Variants in RERE observed in about 807,000 individuals in gnomAD.
RERE encodes the protein arginine-glutamic acid dipeptide repeats protein.
RERE carries 40 observed loss-of-function variants against 146.1 expected under a neutral mutation model. The ratio of observed to expected loss-of-function variants is 0.27; its 90% confidence interval spans 0.21 to 0.36. RERE has a LOEUF of 0.36. Ranked by LOEUF, RERE falls within the 10% of genes least tolerant of loss-of-function variation. The pLI, the probability that RERE is intolerant of heterozygous loss-of-function variation, is 1.00. For synonymous variants in RERE, 1,003 were observed against 866.0 expected, an observed-to-expected ratio of 1.16 and a Z score of -2.78; for missense variants, 1,933 against 2,138.7, an observed-to-expected ratio of 0.90 and a Z score of 1.90.
intron 19 of RERE, 74 bp from the exon 20 acceptor site, chr1:8,358,990 GGGCCTGGTCCTGCTCCT>G: frequency 6.8e-7 from 1 of 1,472,646 alleles, no homozygotes; most frequent in Non-Finnish European, 8.9e-7. Flanking sequence ...CTGCGGAGGT[GGGCCTGGTCCTGCTCCT>G]GGCCTGCTCT....
At chr1:8,744,513 A>G (rs1640380774) in intron 1 of RERE, among the ~76,000 whole-genome samples, 1 of 152,236 alleles carries the variant, frequency 6.6e-6, no homozygotes, top group Non-Finnish European at 1.5e-5. Flanking sequence ...ACAGCAATGT[A>G]ACTGATGGGT....
intron 2 of RERE, among the ~76,000 whole-genome samples, chr1:8,647,641 A>ATATGTGTGTGTGTG (rs371893375): frequency 0.011 from 1,577 of 148,612 alleles, 21 homozygotes; most frequent in East Asian, 0.043. Context: ...TAAAATATGT[A>ATATGTGTGTGTGTG]TGTGTGTGTG....
intron 11 of RERE, among the ~76,000 whole-genome samples, chr1:8,462,003 T>C (rs773465303): frequency 2.9e-4 from 44 of 152,186 alleles, no homozygotes; most frequent in Non-Finnish European, 5.4e-4. Flanking sequence ...TGGCACCATG[T>C]TCAGCTATTT....
chr1:8,377,303 T>C (rs1385110432), intron 12 of RERE, among the ~76,000 whole-genome samples: 1 of 143,918 alleles, frequency 6.9e-6, no homozygotes. Context: ...CTAAACCTCT[T>C]GGAGGTTTAT....
chr1:8,588,580 T>G (rs777401296), intron 4 of RERE, among the ~76,000 whole-genome samples: 1 of 152,098 alleles, frequency 6.6e-6, no homozygotes. Flanking sequence ...CATTACAGGA[T>G]AAAAAGATAA....
At chr1:8,385,968 TAAAAAAAAAAAAAA>T (rs34493389) in intron 12 of RERE, among the ~76,000 whole-genome samples, 3 of 9,480 alleles carry the variant, frequency 3.2e-4, no homozygotes, top group Admixed American at 2.7e-3. Context: ...GACTCCGTCT[TAAAAAAAAAAAAAA>T]AAAAAAAAAA....
intron 12 of RERE, among the ~76,000 whole-genome samples, chr1:8,416,478 C>G (rs1035203900): frequency 2.0e-5 from 3 of 150,000 alleles, no homozygotes; most frequent in African/African-American, 4.9e-5. Flanking sequence ...CCCAGCTACT[C>G]GGGAGGCTGA....
At chr1:8,663,558 A>G (rs866282600) in intron 1 of RERE, among the ~76,000 whole-genome samples, 2 of 152,134 alleles carry the variant, frequency 1.3e-5, no homozygotes, top group Non-Finnish European at 2.9e-5. Context: ...CTTTGTGACT[A>G]CAAAACATTG....
intron 12 of RERE, among the ~76,000 whole-genome samples, chr1:8,419,685 T>C (rs1388284504): frequency 6.6e-6 from 1 of 152,192 alleles, no homozygotes; most frequent in Non-Finnish European, 1.5e-5. Context: ...TTTACAAACA[T>C]TATCTCATTT....
At chr1:8,390,526 G>A (rs1489796909) in intron 12 of RERE, among the ~76,000 whole-genome samples, 1 of 151,950 alleles carries the variant, frequency 6.6e-6, no homozygotes, top group Non-Finnish European at 1.5e-5. Flanking sequence ...CAGAACTTGG[G>A]GAAGGAAGAA....
At position 8,352,554 on chromosome 1, in the gene RERE, C is replaced by T. The variant is rs1381164737; in HGVS notation, c.*2533G>A. The T allele has an allele frequency of 6.6e-6, 1 of 152,432 alleles. No individual in the cohort carries two copies. Among genetic ancestry groups the T allele is most frequent in the African/African-American group, 2.4e-5 (1 of 41,446 alleles). 9.4% of individuals were successfully genotyped at this position (152,432 alleles called of 1,614,324 possible). A position where few individuals can be genotyped will look rare whatever the true frequency, so the allele number is the denominator to read the frequency against. On this transcript the variant is annotated 3_prime_UTR_variant, in exon 23 of 23. Coordinates refer to ENST00000400908, the MANE Select transcript of RERE (RefSeq NM_001042681.2). The stretch of plus-strand genomic sequence containing the variant: ...GCAAACTACTCATATATACATTTAG[C>T]TTCAAGATATATAGAAACGTAGCAA...
intron 6 of RERE, among the ~76,000 whole-genome samples, chr1:8,542,445 A>G (rs1171773913): frequency 1.3e-5 from 2 of 152,194 alleles, no homozygotes; most frequent in Non-Finnish European, 2.9e-5. Context: ...AGGGGTTATC[A>G]GCGTGGGTTC....
intron 12 of RERE, among the ~76,000 whole-genome samples, chr1:8,393,299 A>C (rs999750762): frequency 1.3e-5 from 2 of 152,226 alleles, no homozygotes; most frequent in African/African-American, 4.8e-5. Flanking sequence ...CGCCTCCATC[A>C]AGGGTAATAA....
At chr1:8,496,504 AAAAAAAG>A (rs1340165091) in intron 9 of RERE, among the ~76,000 whole-genome samples, 2 of 150,082 alleles carry the variant, frequency 1.3e-5, no homozygotes, top group Middle Eastern at 3.5e-3. Flanking sequence ...AACAACCAAA[AAAAAAAG>A]AAAAAAAGAA....
chr1:8,772,542 C>T (rs376160226), intron 1 of RERE, among the ~76,000 whole-genome samples: 3 of 151,736 alleles, frequency 2.0e-5, no homozygotes, highest in South Asian at 2.1e-4. Flanking sequence ...TGAAAGGCCA[C>T]GGCAGGTGGA....
At chr1:8,640,362 C>A (rs565623187) in intron 2 of RERE, among the ~76,000 whole-genome samples, 2 of 152,068 alleles carry the variant, frequency 1.3e-5, no homozygotes, top group South Asian at 4.1e-4. Flanking sequence ...ATCTGTCCAA[C>A]ACAAAGAAAG....
At chr1:8,813,093 T>G (rs560557378) in intron 1 of RERE, among the ~76,000 whole-genome samples, 1 of 152,254 alleles carries the variant, frequency 6.6e-6, no homozygotes, top group East Asian at 1.9e-4. Flanking sequence ...ACAAATATGA[T>G]TCAACAATCA....
intron 2 of RERE, among the ~76,000 whole-genome samples, chr1:8,640,206 A>G (rs1647158232): frequency 6.6e-6 from 1 of 152,126 alleles, no homozygotes; most frequent in African/African-American, 2.4e-5. Flanking sequence ...AAAAATCTGT[A>G]TCATAAACTC....
At chr1:8,383,613 C>A (rs970006561) in intron 12 of RERE, among the ~76,000 whole-genome samples, 3 of 152,128 alleles carry the variant, frequency 2.0e-5, no homozygotes, top group East Asian at 1.9e-4. Context: ...GTAATCCCAG[C>A]ACTTTGGGAG....
Sources: allele counts gnomAD v4.1 joint callset (sites outside exome capture counted in the v4.1 genomes callset), GRCh38; gene constraint gnomAD v4.1.1; transcripts MANE v1.5; gene names NCBI Gene and HGNC (gene_info 2026-07-23, HGNC 2026-07-21).